The following HOXC11 variants were observed in gnomAD, a reference collection of about 807,000 sequenced individuals.
HOXC11 encodes the protein homeobox protein Hox-C11.
In HOXC11, 17 loss-of-function variants were observed where a neutral mutation model predicts 23.6. The observed-to-expected ratio is 0.72, with a 90% confidence interval of 0.49 to 1.08. The LOEUF (loss-of-function observed/expected upper bound fraction) is 1.08. Among genes scored for constraint, HOXC11 ranks in the 50% least tolerant of loss-of-function variants. The pLI is 0.00. For synonymous variants in HOXC11, 196 were observed against 183.8 expected (o/e 1.07, Z -0.54); for missense variants, 413 against 412.1 (o/e 1.00, Z -0.02).
Position 53,973,496 on chromosome 12 carries a change from T to A in HOXC11, c.255T>A (p.His85Gln). Reference protein sequence around the residue: ...YGLEPSGKWHHRNSYSSCYAA... With the variant: ...YGLEPSGKWHQRNSYSSCYAA... ...TGGAGCCATCCGGCAAGTGGCACCA[T>A]CGGAACAGCTACTCCTCCTGCTATG... Residue 85 changes from histidine (H) to glutamine (Q), a missense_variant, in exon 1 of 2, where the codon CAT becomes CAA. Coordinates refer to ENST00000546378, the MANE Select transcript of HOXC11 (RefSeq NM_014212.4). This position sits in a 1 kb window ranked among gnomAD's most constrained non-coding sequence, Gnocchi z 4.3. 3 of 1,613,958 alleles carry A rather than the reference T, an allele frequency of 1.9e-6. No individual in the cohort carries two copies. Among genetic ancestry groups the A allele is most frequent in the Non-Finnish European group, 2.5e-6 (3 of 1,179,996 alleles).
chr12:53,974,033 C>T (rs1026863457), intron 1 of HOXC11, 110 bp downstream of exon 1: 147 of 878,460 alleles, frequency 1.7e-4, no homozygotes, highest in South Asian at 8.4e-4. Context: ...TGTTTTGGGT[C>T]AGTCCGATTT....
In HOXC11 at chr12:53,973,923, A is replaced by C. The variant is rs1308575089; in HGVS notation, c.682A>C (p.Asn228His). The C allele has an allele frequency of 1.7e-5, 25 of 1,436,070 alleles. No individual in the cohort carries two copies. In the East Asian group the frequency reaches 6.5e-4, roughly 37 times the overall value. The allele number at this position is 1,436,070 out of a possible 1,614,324, so 89.0% of individuals were successfully genotyped here. ...AKEPAKGAAP[N>H]APRTRKKRCP... is the part of the protein sequence containing the mutation. ...GGAGCCGGCCAAAGGAGCCGCCCCC[A>C]GTAGGTAGCAGCGGCCGGGGAACGG... The change falls in exon 1 of 2, where the codon AAC becomes CAC. Residue 228 changes from asparagine to histidine, a missense_variant and splice_region_variant. Physicochemically the swap from Asn to His is moderately conservative, Grantham distance 68 (BLOSUM62 1). Transcript: ENST00000546378. This position sits in a 1 kb window ranked among gnomAD's most constrained non-coding sequence, Gnocchi z 4.3.
intron 1 of HOXC11, 184 bp from the exon 2 acceptor site, chr12:53,974,997 G>A (rs1028150598): frequency 2.6e-5 from 15 of 573,484 alleles, no homozygotes; most frequent in African/African-American, 1.7e-4. Flanking sequence ...GGACCCGCTA[G>A]ACCTGGCAGG....
rs770230057 is a variant in HOXC11, at chr12:53,973,602, T to C, written c.361T>C (p.Tyr121His). ...TEILMKNEGS[Y>H]GGHHHPSAPH... ...GATCCTCATGAAAAACGAAGGCTCC[T>C]ACGGCGGCCACCACCACCCCAGCGC... is the stretch of plus-strand genomic sequence containing the variant. The change falls in exon 1 of 2, where the codon TAC (tyrosine) becomes CAC (histidine). Residue 121 changes from tyrosine to histidine, a missense_variant. Coordinates refer to ENST00000546378, the MANE Select transcript of HOXC11 (RefSeq NM_014212.4). The surrounding 1 kb of genome is among the most constrained non-coding windows in gnomAD (Gnocchi z 4.3). The C allele has an allele frequency of 3.1e-6, 5 of 1,613,240 alleles. No individual in the cohort carries two copies. Among genetic ancestry groups the C allele is most frequent in the Non-Finnish European group, 4.2e-6 (5 of 1,179,910 alleles).
At chr12:53,974,061 GCATT>G in intron 1 of HOXC11, 138 bp downstream of exon 1, 1 of 573,990 alleles carries the variant, frequency 1.7e-6, no homozygotes, top group Non-Finnish European at 2.7e-6. Context: ...AGTTTTATAA[GCATT>G]CAAAGGATTT....
chr12:53,974,346 C>T (rs1431391705), intron 1 of HOXC11, among the ~76,000 whole-genome samples: 1 of 128,570 alleles, frequency 7.8e-6, no homozygotes, highest in Admixed American at 8.2e-5. Context: ...AAGGGGAGGG[C>T]GAGGGAAAGA....
In HOXC11 at chr12:53,975,297, C is replaced by T; in HGVS notation, c.799C>T (p.Arg267Trp). The change falls in exon 2 of 2, where the codon CGG becomes TGG. Residue 267 changes from arginine to tryptophan, a missense_variant. Physicochemically the swap from Arg to Trp is moderately radical, Grantham distance 101. Coordinates refer to ENST00000546378, the MANE Select transcript of HOXC11 (RefSeq NM_014212.4). ...CAAAGAGAAGCGGCTGCAGCTGTCC[C>T]GGATGCTGAACCTGACGGACCGACA... The part of the protein sequence containing the change: ...INKEKRLQLS[R>W]MLNLTDRQVK... 6.2e-7 allele frequency: 1 copy of T among 1,613,690 alleles called. No homozygotes were observed.
In HOXC11 at chr12:53,973,346, C is replaced by T; in HGVS notation, c.105C>T (p.Pro35=). 1 of 1,612,612 alleles carries T rather than the reference C, an allele frequency of 6.2e-7. No individual in the cohort carries two copies. The highest frequency in any genetic ancestry group is 8.5e-7 in the Non-Finnish European group (1 of 1,179,486). The change falls in exon 1 of 2, where the codon CCC becomes CCT. Residue 35 remains proline, a synonymous_variant. Coordinates refer to ENST00000546378, the MANE Select transcript of HOXC11 (RefSeq NM_014212.4). The surrounding 1 kb of genome is among the most constrained non-coding windows in gnomAD (Gnocchi z 4.3). ...GCTGCGCCTCCAACCTCTATCTGCCCAGTTGCACTTACTACATGCCCGAGT... is the reference window on the plus strand; with the variant it reads ...GCTGCGCCTCCAACCTCTATCTGCCTAGTTGCACTTACTACATGCCCGAGT... ...RGSCASNLYL[P]SCTYYMPEFS... is the part of the protein sequence containing the mutation.
In HOXC11 at chr12:53,975,946, G is replaced by A; in HGVS notation, c.*533G>A. ...GTACCTTCAACCTGGTGTTAGGTGTGCAAAGTCCGTGTCCTACCTCCGTCT... is the reference window on the plus strand; with the variant it reads ...GTACCTTCAACCTGGTGTTAGGTGTACAAAGTCCGTGTCCTACCTCCGTCT... On this transcript the variant is annotated 3_prime_UTR_variant, in exon 2 of 2. Coordinates refer to ENST00000546378, the MANE Select transcript of HOXC11 (RefSeq NM_014212.4). The A allele has an allele frequency of 3.8e-6, 1 of 260,742 alleles. No homozygotes were observed. 16.2% of individuals were successfully genotyped at this position (260,742 alleles called of 1,614,324 possible).
chr12:53,973,676 C>A lies in HOXC11; in HGVS notation c.435C>A (p.Ser145Arg). Residue 145 changes from serine to arginine, a missense_variant, in exon 1 of 2, where the codon AGC (serine) becomes AGA (arginine). Physicochemically the swap from Ser to Arg is moderately radical, Grantham distance 110. Coordinates refer to ENST00000546378, the MANE Select transcript of HOXC11 (RefSeq NM_014212.4). This position sits in a 1 kb window ranked among gnomAD's most constrained non-coding sequence, Gnocchi z 4.3. The part of the protein sequence containing the change: ...AGFYSSVNKN[S>R]VLPQAFDRFF... ...TCTACTCCTCAGTCAACAAGAACAG[C>A]GTCCTGCCTCAAGCCTTCGACCGTT... is the stretch of plus-strand genomic sequence containing the variant. 6.2e-7 allele frequency: 1 copy of A among 1,613,746 alleles called. No homozygotes were observed. The highest frequency in any genetic ancestry group is 1.1e-5 in the South Asian group (1 of 91,090).
At position 53,973,774 on chromosome 12, in the gene HOXC11, A is replaced by AG; in HGVS notation, c.538dup (p.Glu180GlyfsTer15). On this transcript the variant is annotated frameshift_variant, in exon 1 of 2. Transcript: ENST00000546378. LOFTEE classifies it high-confidence loss of function. This position sits in a 1 kb window ranked among gnomAD's most constrained non-coding sequence, Gnocchi z 4.3. ...CCCTGCTCCGGCAAGGGCGAGGCCA[A>AG]GGGGGAGCCCGAGGCACCCCCGGCC... 1 of 1,608,448 alleles carries AG rather than the reference A, an allele frequency of 6.2e-7. No individual in the cohort carries two copies. The highest frequency in any genetic ancestry group is 8.5e-7 in the Non-Finnish European group (1 of 1,177,650).
chr12:53,974,223 G>T (rs533119724), intron 1 of HOXC11, among the ~76,000 whole-genome samples: 2 of 151,902 alleles, frequency 1.3e-5, no homozygotes, highest in African/African-American at 4.8e-5. Context: ...TTTTAAAAGC[G>T]CAACCATTGC....
intron 1 of HOXC11, chr12:53,974,914 C>T: frequency 2.3e-6 from 1 of 433,684 alleles, no homozygotes; most frequent in South Asian, 3.7e-5. Context: ...GGCTTTCCTT[C>T]TGTCCCAGAC....
rs1267988830 is a variant in HOXC11 at position 53,977,631 on chromosome 12, A to G, written c.*2218A>G. 2 of 152,064 alleles carry G rather than the reference A, an allele frequency of 1.3e-5. No individual in the cohort carries two copies. Among genetic ancestry groups the G allele is most frequent in the Non-Finnish European group, 2.9e-5 (2 of 68,018 alleles). The allele number at this position is 152,064 out of a possible 1,614,324, so 9.4% of individuals were successfully genotyped here. A position where few individuals can be genotyped will look rare whatever the true frequency, so the allele number is the denominator to read the frequency against. On this transcript the variant is annotated 3_prime_UTR_variant, in exon 2 of 2. Coordinates refer to ENST00000546378, the MANE Select transcript of HOXC11 (RefSeq NM_014212.4). Reference sequence around the variant, plus strand: ...TCTGTTGCATGGAGTAAACCTGACCACATACACATCTAGAGCTTGTGTCTC... The same window carrying G: ...TCTGTTGCATGGAGTAAACCTGACCGCATACACATCTAGAGCTTGTGTCTC...
At position 53,975,529 on chromosome 12, in the gene HOXC11, G is replaced by A. The variant is rs1436777219; in HGVS notation, c.*116G>A. The A allele has an allele frequency of 1.2e-6, 1 of 803,272 alleles. No individual in the cohort carries two copies. The highest frequency in any genetic ancestry group is 1.5e-5 in the South Asian group (1 of 68,292). 49.8% of individuals were successfully genotyped at this position (803,272 alleles called of 1,614,324 possible). A position where few individuals can be genotyped will look rare whatever the true frequency, so the allele number is the denominator to read the frequency against. Reference sequence around the variant, plus strand: ...CCGGTGGAAAACTGGACTGTGGCCAGGGCTGGCCCCCACCGCTGTGGCCGG... The same window carrying A: ...CCGGTGGAAAACTGGACTGTGGCCAAGGCTGGCCCCCACCGCTGTGGCCGG... On this transcript the variant is annotated 3_prime_UTR_variant, in exon 2 of 2. Transcript: ENST00000546378.
chr12:53,973,974 G>T lies in HOXC11; in HGVS notation c.682+51G>T. The T allele has an allele frequency of 1.4e-6, 2 of 1,406,038 alleles. No individual in the cohort carries two copies. Among genetic ancestry groups the T allele is most frequent in the Non-Finnish European group, 1.9e-6 (2 of 1,072,308 alleles). The allele number at this position is 1,406,038 out of a possible 1,614,324, so 87.1% of individuals were successfully genotyped here. On this transcript the variant is annotated intron_variant, in intron 1 of 1. Transcript: ENST00000546378. The surrounding 1 kb of genome is among the most constrained non-coding windows in gnomAD (Gnocchi z 4.3). ...GCGGGCAGCGAGGGAGGGAGCGAGA[G>T]AGGGAGGGCGAGAGAAGGGGGGAGG... is the stretch of plus-strand genomic sequence containing the variant.
chr12:53,976,264 A>G lies in HOXC11; in HGVS notation c.*851A>G, dbSNP rs1721652361. The G allele has an allele frequency of 1.3e-5, 3 of 223,452 alleles. No homozygotes were observed. The highest frequency in any genetic ancestry group is 1.8e-5 in the Non-Finnish European group (2 of 111,782). 13.8% of individuals were successfully genotyped at this position (223,452 alleles called of 1,614,324 possible). A position where few individuals can be genotyped will look rare whatever the true frequency, so the allele number is the denominator to read the frequency against. On this transcript the variant is annotated 3_prime_UTR_variant, in exon 2 of 2. Coordinates refer to ENST00000546378, the MANE Select transcript of HOXC11 (RefSeq NM_014212.4). ...AAGCGTTTCTTTCCACCTGGAGGGA[A>G]AGGGGGGGACGCCCCCAGTGAGATT...
rs1939250587 is a variant in HOXC11, at chr12:53,975,954, C to T, written c.*541C>T. On this transcript the variant is annotated 3_prime_UTR_variant, in exon 2 of 2. Transcript: ENST00000546378. Reference sequence around the variant, plus strand: ...AACCTGGTGTTAGGTGTGCAAAGTCCGTGTCCTACCTCCGTCTTCGCCAAG... The same window carrying T: ...AACCTGGTGTTAGGTGTGCAAAGTCTGTGTCCTACCTCCGTCTTCGCCAAG... 3.9e-6 allele frequency: 1 copy of T among 255,804 alleles called. No individual in the cohort carries two copies. Among genetic ancestry groups the T allele is most frequent in the Non-Finnish European group, 7.5e-6 (1 of 134,010 alleles). The allele number at this position is 255,804 out of a possible 1,614,324, so 15.8% of individuals were successfully genotyped here.
rs1305620803 is a variant in HOXC11 at position 53,976,669 on chromosome 12, T to C, written c.*1256T>C. On this transcript the variant is annotated 3_prime_UTR_variant, in exon 2 of 2. Coordinates refer to ENST00000546378, the MANE Select transcript of HOXC11 (RefSeq NM_014212.4). ...CCATAGCTACTCTGAAGCTCTCCTT[T>C]CTCACGTGCAGCTCGAGCTGTGTCC... The C allele has an allele frequency of 6.5e-6, 1 of 154,484 alleles. No homozygotes were observed. The highest frequency in any genetic ancestry group is 1.4e-5 in the Non-Finnish European group (1 of 69,366). The allele number at this position is 154,484 out of a possible 1,614,324, so 9.6% of individuals were successfully genotyped here. A position where few individuals can be genotyped will look rare whatever the true frequency, so the allele number is the denominator to read the frequency against.
Sources: gnomAD v4.1 joint callset for allele counts (sites outside exome capture counted in the v4.1 genomes callset) on GRCh38, gnomAD v4.1.1 for gene constraint, Gnocchi (gnomAD v3.1) non-coding constraint, MANE v1.5 for transcripts, NCBI Gene and HGNC (gene_info 2026-07-23, HGNC 2026-07-21) for gene names.